The following KSR2 variants were observed in gnomAD, a reference collection of about 807,000 sequenced individuals.
KSR2 encodes kinase suppressor of ras 2.
In KSR2, 25 loss-of-function variants were observed where a neutral mutation model predicts 107.8. The ratio of observed to expected loss-of-function variants is 0.23; its 90% CI spans 0.17 to 0.32. KSR2 has a LOEUF of 0.32. Among genes scored for constraint, KSR2 ranks in the 10% least tolerant of loss-of-function variants. KSR2 has a pLI of 1.00. For missense variants in KSR2, 887 were observed against 1,268.9 expected (o/e 0.70, Z 4.57); for synonymous variants, 480 against 507.0 (o/e 0.95, Z 0.71).
intron 3 of KSR2, among the ~76,000 whole-genome samples, chr12:117,847,798 G>A (rs1008270528): frequency 3.3e-5 from 5 of 151,788 alleles, no homozygotes; most frequent in Admixed American, 1.3e-4. Context: ...CCTCCCTCCC[G>A]TCCCAAGGCA....
intron 5 of KSR2, among the ~76,000 whole-genome samples, chr12:117,656,562 C>T (rs970840594): frequency 1.3e-5 from 2 of 152,126 alleles, no homozygotes; most frequent in African/African-American, 4.8e-5. Context: ...TGTGGTTAGC[C>T]AAGATCGTGC....
At chr12:117,916,630 T>G (rs1895183506) in intron 1 of KSR2, among the ~76,000 whole-genome samples, 1 of 152,096 alleles carries the variant, frequency 6.6e-6, no homozygotes, top group Non-Finnish European at 1.5e-5. Context: ...CAAGGCACAT[T>G]TAATACTTGG....
rs10651702 is a variant in KSR2 at position 117,968,305 on chromosome 12, A to AGGGG, written c.-51_-50insCCCC. On this transcript the variant is annotated 5_prime_UTR_variant, in exon 1 of 20. Transcript: ENST00000339824. ...CTCCTCCTCCTCCCAGAGAGAAAAAAGAGGGGGGGGAGTAGAGGTAGTCTA... is the reference window on the plus strand; with the variant it reads ...CTCCTCCTCCTCCCAGAGAGAAAAAAGGGGGAGGGGGGGGAGTAGAGGTAGTCTA... The AGGGG allele has an allele frequency of 2.9e-3, 3,226 of 1,110,592 alleles. 113 individuals are homozygous for AGGGG. Among genetic ancestry groups the AGGGG allele is most frequent in the Admixed American group, 3.1e-3 (82 of 26,096 alleles). 68.8% of individuals were successfully genotyped at this position (1,110,592 alleles called of 1,614,324 possible). A position where few individuals can be genotyped will look rare whatever the true frequency, so the allele number is the denominator to read the frequency against.
intron 1 of KSR2, among the ~76,000 whole-genome samples, chr12:117,873,227 C>G (rs1441958257): frequency 6.6e-6 from 1 of 151,812 alleles, no homozygotes; most frequent in East Asian, 2.0e-4. Context: ...TGCCTGTAAT[C>G]CCAGCTACTC....
At chr12:117,762,051 G>T (rs1889055189) in intron 3 of KSR2, among the ~76,000 whole-genome samples, 1 of 152,140 alleles carries the variant, frequency 6.6e-6, no homozygotes, top group Non-Finnish European at 1.5e-5. Context: ...TCCCCTTGTT[G>T]ACCCTGTTAC....
chr12:117,633,098 G>C (rs2136378285), intron 5 of KSR2, among the ~76,000 whole-genome samples: 1 of 152,310 alleles, frequency 6.6e-6, no homozygotes, highest in Non-Finnish European at 1.5e-5. Flanking sequence ...TACCCCTTTT[G>C]CATGGCTACT....
Position 117,739,151 on chromosome 12 carries a change from T to C in KSR2, c.986+21860A>G, listed in dbSNP as rs543579282. On this transcript the variant is annotated intron_variant, in intron 4 of 19. Coordinates refer to ENST00000339824, the MANE Select transcript of KSR2 (RefSeq NM_173598.6). Reference sequence around the variant, plus strand: ...TGGGCAGATCACGAGGTCAGGAGACTGAGACTATCCTGGCTGACACGGTGA... The same window carrying C: ...TGGGCAGATCACGAGGTCAGGAGACCGAGACTATCCTGGCTGACACGGTGA... Among the ~76,000 whole-genome samples, 18 of 152,216 alleles carry C rather than the reference T, an allele frequency of 1.2e-4. No homozygotes were observed. In the East Asian group the frequency reaches 1.6e-3, roughly 13 times the overall value.
At position 117,465,394 on chromosome 12, in the gene KSR2, C is replaced by T. The variant is rs1218636493; in HGVS notation, c.*1805G>A. 1.3e-5 allele frequency: 2 copies of T among 152,230 alleles called. No homozygotes were observed. The highest frequency in any genetic ancestry group is 6.5e-5 in the Admixed American group (1 of 15,288). 9.4% of individuals were successfully genotyped at this position (152,230 alleles called of 1,614,324 possible). A position where few individuals can be genotyped will look rare whatever the true frequency, so the allele number is the denominator to read the frequency against. Reference sequence around the variant, plus strand: ...AGCCCAAGCCGGGGTCTTTAGTCCTCTAGTCCCAGTAAGCTGGGAGTGTTG... The same window carrying T: ...AGCCCAAGCCGGGGTCTTTAGTCCTTTAGTCCCAGTAAGCTGGGAGTGTTG... On this transcript the variant is annotated 3_prime_UTR_variant, in exon 20 of 20. Coordinates refer to ENST00000339824, the MANE Select transcript of KSR2 (RefSeq NM_173598.6).
chr12:117,559,392 C>T (rs1877950711), intron 7 of KSR2, among the ~76,000 whole-genome samples: 1 of 152,148 alleles, frequency 6.6e-6, no homozygotes, highest in Admixed American at 6.5e-5. Context: ...CATCACAATT[C>T]TTCTCATCAT....
chr12:117,761,370 A>G lies in KSR2; in HGVS notation c.627T>C (p.Tyr209=), dbSNP rs754322969. Residue 209 remains tyrosine (Y), a synonymous_variant, in exon 4 of 20, where the codon TAT becomes TAC. Coordinates refer to ENST00000339824, the MANE Select transcript of KSR2 (RefSeq NM_173598.6). The part of the protein sequence containing the change: ...PRVPSKCVQH[Y]CHTSPTPGAP... ...CCCCGGGAGTGGGGCTGGTGTGACA[A>G]TAGTGCTGGACGCACTTGGACGGGA... is the stretch of plus-strand genomic sequence containing the variant. 7.5e-6 allele frequency: 12 copies of G among 1,598,814 alleles called. No homozygotes were observed. In the East Asian group the frequency reaches 1.6e-4, roughly 21 times the overall value.
chr12:117,680,711 A>G (rs1885330877), intron 4 of KSR2, among the ~76,000 whole-genome samples: 1 of 152,226 alleles, frequency 6.6e-6, no homozygotes, highest in African/African-American at 2.4e-5. Flanking sequence ...GTAGGTGTTA[A>G]AAAAGAATCA....
chr12:117,729,501 G>T (rs1887574287), intron 4 of KSR2, among the ~76,000 whole-genome samples: 2 of 152,086 alleles, frequency 1.3e-5, no homozygotes, highest in Non-Finnish European at 2.9e-5. Flanking sequence ...GCAGGATGAG[G>T]GCTGGAAATG....
chr12:117,794,302 T>C (rs1467937925), intron 3 of KSR2, among the ~76,000 whole-genome samples: 2 of 45,562 alleles, frequency 4.4e-5, no homozygotes, highest in Admixed American at 3.2e-4. Flanking sequence ...CACACCAACA[T>C]GCACACACAC....
At chr12:117,937,246 T>C (rs1022793156) in intron 1 of KSR2, among the ~76,000 whole-genome samples, 4 of 152,200 alleles carry the variant, frequency 2.6e-5, no homozygotes, top group African/African-American at 4.8e-5. Context: ...CAATGAATTT[T>C]TCATAACTCT....
intron 3 of KSR2, among the ~76,000 whole-genome samples, chr12:117,807,077 T>C (rs1365264054): frequency 6.6e-6 from 1 of 152,150 alleles, no homozygotes; most frequent in Non-Finnish European, 1.5e-5. Context: ...TTCCTTTTCA[T>C]GGTGGGGAAT....
chr12:117,946,456 C>T (rs1481160215), intron 1 of KSR2, among the ~76,000 whole-genome samples: 2 of 152,276 alleles, frequency 1.3e-5, no homozygotes, highest in East Asian at 3.9e-4. Flanking sequence ...GGGGACAACT[C>T]TATGCATGTA....
intron 1 of KSR2, among the ~76,000 whole-genome samples, chr12:117,896,061 A>T (rs186658145): frequency 6.6e-6 from 1 of 152,356 alleles, no homozygotes; most frequent in East Asian, 1.9e-4. Context: ...CTGTGTAAAA[A>T]ACTTGTACGT....
chr12:117,550,362 A>G (rs373820614), intron 9 of KSR2, among the ~76,000 whole-genome samples: 28 of 152,336 alleles, frequency 1.8e-4, no homozygotes, highest in African/African-American at 6.5e-4. Context: ...TGATTTGGAC[A>G]TGGCGGTGAT....
intron 1 of KSR2, among the ~76,000 whole-genome samples, chr12:117,870,392 G>C (rs953908592): frequency 2.0e-5 from 3 of 152,118 alleles, no homozygotes; most frequent in Non-Finnish European, 4.4e-5. Flanking sequence ...CCTGAGGTCA[G>C]GAGTTCAAGA....
Sources: allele counts gnomAD v4.1 joint callset (sites outside exome capture counted in the v4.1 genomes callset), GRCh38; gene constraint gnomAD v4.1.1; transcripts MANE v1.5; gene names NCBI Gene and HGNC (gene_info 2026-07-23, HGNC 2026-07-21).